Variants in CSMD1 observed in about 807,000 individuals in gnomAD.
CSMD1 encodes CUB and sushi domain-containing protein 1.
A neutral mutation model predicts 417.5 loss-of-function variants in CSMD1; 213 were observed. The observed-to-expected ratio is 0.51, with a 90% CI of 0.46 to 0.57. The LOEUF (loss-of-function observed/expected upper bound fraction) is 0.57, where lower values mean the gene tolerates loss of function less well. CSMD1 is among the 20% of genes least tolerant of loss of function. CSMD1 has a pLI of 0.00. For missense variants in CSMD1, 6,923 were observed against 4,529.7 expected, an observed-to-expected ratio of 1.53 and a Z score of -15.17; for synonymous variants, 2,862 against 1,736.8, an observed-to-expected ratio of 1.65 and a Z score of -16.11.
intron 3 of CSMD1, among the ~76,000 whole-genome samples, chr8:4,398,659 T>G (rs2128927852): frequency 6.6e-6 from 1 of 152,256 alleles, no homozygotes; most frequent in African/African-American, 2.4e-5. Flanking sequence ...CCTCCCAAAG[T>G]GCTGGGATTA....
chr8:3,427,059 C>T lies in CSMD1; in HGVS notation c.1562-17454G>A, dbSNP rs576960475. Among the ~76,000 whole-genome samples the T allele has an allele frequency of 2.0e-5, 3 of 152,286 alleles. 1 individual carries two copies. Among genetic ancestry groups the T allele is most frequent in the South Asian group, 4.1e-4 (2 of 4,824 alleles). ...AACACATCTCATGAGAACTCACTCA[C>T]TATCACGACAGCAGCATAGTGGAAA... On this transcript the variant is annotated intron_variant, in intron 12 of 69. Transcript: ENST00000635120.
chr8:4,004,852 C>T (rs1454172407), intron 4 of CSMD1, among the ~76,000 whole-genome samples: 1 of 152,170 alleles, frequency 6.6e-6, no homozygotes, highest in East Asian at 1.9e-4. Flanking sequence ...TCACGCCATT[C>T]TCCTGCCTCA....
intron 49 of CSMD1, among the ~76,000 whole-genome samples, 154 bp from the exon 50 acceptor site, chr8:3,052,801 G>C (rs1284926721): frequency 1.9e-5 from 1 of 53,734 alleles, no homozygotes; most frequent in African/African-American, 4.9e-5. Context: ...TTTTTCTGGA[G>C]ACAAGAGTTT....
chr8:4,176,373 T>G (rs1204624090), intron 3 of CSMD1, among the ~76,000 whole-genome samples: 2 of 152,126 alleles, frequency 1.3e-5, no homozygotes, highest in East Asian at 3.9e-4. Flanking sequence ...CAATCTACAC[T>G]CTTAAGCCTC....
intron 1 of CSMD1, among the ~76,000 whole-genome samples, chr8:4,706,001 T>C (rs2116840818): frequency 6.6e-6 from 1 of 151,556 alleles, no homozygotes; most frequent in Non-Finnish European, 1.5e-5. Context: ...CTGTAATTTT[T>C]TTCAATATTT....
rs58259457 is a variant in CSMD1 at position 4,067,483 on chromosome 8, CT to C, written c.416-35385del. Among the ~76,000 whole-genome samples, 1,239 of 100,950 alleles carry C rather than the reference CT, an allele frequency of 0.012. 74 individuals are homozygous for C. The East Asian group carries it at 0.16, about 13-fold the overall frequency. The allele number at this position is 100,950 out of a possible 152,430, so 66.2% of individuals were successfully genotyped here. ...AGTTCTTTTCACATGAAATAAATTACTTTTTTTTTTAATTTCAAAATTTTTA... is the reference window on the plus strand; with the variant it reads ...AGTTCTTTTCACATGAAATAAATTACTTTTTTTTTAATTTCAAAATTTTTA... On this transcript the variant is annotated intron_variant, in intron 3 of 69. Transcript: ENST00000635120.
At chr8:4,526,099 T>C (rs897465566) in intron 2 of CSMD1, among the ~76,000 whole-genome samples, 2 of 152,140 alleles carry the variant, frequency 1.3e-5, no homozygotes, top group Non-Finnish European at 2.9e-5. Flanking sequence ...AATAGAGATT[T>C]GGAAAATGAG....
chr8:3,044,006 GA>G (rs1054490056), intron 50 of CSMD1, among the ~76,000 whole-genome samples: 1 of 151,908 alleles, frequency 6.6e-6, no homozygotes, highest in Non-Finnish European at 1.5e-5. Context: ...TACTTCAGGG[GA>G]AAAAAAAGCA....
intron 3 of CSMD1, among the ~76,000 whole-genome samples, chr8:4,047,998 G>C (rs912299811): frequency 1.3e-5 from 2 of 152,130 alleles, no homozygotes; most frequent in African/African-American, 2.4e-5. Flanking sequence ...AGAGCTTTAA[G>C]TCTTTGTATG....
intron 3 of CSMD1, among the ~76,000 whole-genome samples, chr8:4,056,364 T>C (rs1446421706): frequency 6.6e-6 from 1 of 151,660 alleles, no homozygotes; most frequent in Non-Finnish European, 1.5e-5. Context: ...ATTATAGGCA[T>C]GAGCCACCAT....
intron 23 of CSMD1, among the ~76,000 whole-genome samples, chr8:3,320,640 C>T (rs911496349): frequency 6.6e-6 from 1 of 152,200 alleles, no homozygotes; most frequent in Non-Finnish European, 1.5e-5. Flanking sequence ...CTCAACTAGA[C>T]CACCGCTGCA....
rs1799564950 is a variant in CSMD1, at chr8:4,457,560, T to C, written c.303-37495A>G. Among the ~76,000 whole-genome samples, 3 of 152,184 alleles carry C rather than the reference T, an allele frequency of 2.0e-5. No individual in the cohort carries two copies. The South Asian group carries it at 6.2e-4, about 32-fold the overall frequency. ...TTCAATTTTATACTAGATGGGCCTG[T>C]TAATTTATTGTCTCTGAGCTTCAAA... is the stretch of plus-strand genomic sequence containing the variant. On this transcript the variant is annotated intron_variant, in intron 2 of 69. Coordinates refer to ENST00000635120, the MANE Select transcript of CSMD1 (RefSeq NM_033225.6).
chr8:3,551,127 AG>A (rs1798891751), intron 10 of CSMD1, among the ~76,000 whole-genome samples: 1 of 152,202 alleles, frequency 6.6e-6, no homozygotes, highest in Non-Finnish European at 1.5e-5. Context: ...TTTGTGATTC[AG>A]TTTTCTTATC....
intron 1 of CSMD1, among the ~76,000 whole-genome samples, chr8:4,975,394 C>T (rs1810491163): frequency 1.3e-5 from 2 of 152,212 alleles, no homozygotes. Context: ...TACTTCCTGG[C>T]TGTAAGCGGC....
intron 68 of CSMD1, among the ~76,000 whole-genome samples, chr8:2,944,383 A>C (rs941385204): frequency 6.6e-6 from 1 of 152,204 alleles, no homozygotes; most frequent in Non-Finnish European, 1.5e-5. Context: ...GCAGTGGTGC[A>C]GCAGTGATGT....
intron 2 of CSMD1, among the ~76,000 whole-genome samples, chr8:4,506,055 G>A (rs1802508427): frequency 6.6e-6 from 1 of 152,016 alleles, no homozygotes; most frequent in African/African-American, 2.4e-5. Flanking sequence ...CATCTAACAT[G>A]TAAAGCAATC....
At chr8:4,934,531 T>G (rs1807468335) in intron 1 of CSMD1, among the ~76,000 whole-genome samples, 2 of 152,146 alleles carry the variant, frequency 1.3e-5, no homozygotes, top group Admixed American at 1.3e-4. Flanking sequence ...TGAGCTGACT[T>G]AAGTTGCTAC....
chr8:3,265,757 G>C (rs1801387240), intron 26 of CSMD1, among the ~76,000 whole-genome samples: 1 of 152,080 alleles, frequency 6.6e-6, no homozygotes, highest in Admixed American at 6.5e-5. Flanking sequence ...TGCCAGCATG[G>C]CCTTTCTTCA....
chr8:4,463,784 G>T (rs73178987), intron 2 of CSMD1, among the ~76,000 whole-genome samples: 11 of 152,082 alleles, frequency 7.2e-5, no homozygotes, highest in African/African-American at 2.7e-4. Flanking sequence ...TGGATACTGG[G>T]TTTTTTGCAT....
Sources: gnomAD v4.1 joint callset for allele counts (sites outside exome capture counted in the v4.1 genomes callset) on GRCh38, gnomAD v4.1.1 for gene constraint, MANE v1.5 for transcripts, NCBI Gene and HGNC (gene_info 2026-07-23, HGNC 2026-07-21) for gene names.